The following SAMD4A variants were observed in gnomAD, a reference collection of about 807,000 sequenced individuals.
The protein encoded by SAMD4A is protein Smaug homolog 1.
A neutral mutation model predicts 81.3 loss-of-function variants in SAMD4A; 33 were observed. The observed-to-expected ratio is 0.41, with a 90% CI of 0.31 to 0.54. The LOEUF (loss-of-function observed/expected upper bound fraction) is 0.54. SAMD4A is among the 20% of genes least tolerant of loss of function. The pLI is 0.37. For missense variants in SAMD4A, 854 were observed against 951.1 expected, an observed-to-expected ratio of 0.90 and a Z score of 1.34; for synonymous variants, 389 against 382.1, an observed-to-expected ratio of 1.02 and a Z score of -0.21.
At chr14:54,661,688 T>C (rs913964553) in intron 2 of SAMD4A, among the ~76,000 whole-genome samples, 1 of 152,342 alleles carries the variant, frequency 6.6e-6, no homozygotes, top group Middle Eastern at 3.4e-3. Flanking sequence ...TTCAGCCGAC[T>C]ATTCCCGGAT....
intron 3 of SAMD4A, 88 bp from the exon 4 acceptor site, chr14:54,736,936 C>T (rs1475252641): frequency 1.4e-6 from 2 of 1,442,900 alleles, no homozygotes; most frequent in Non-Finnish European, 1.9e-6. Flanking sequence ...TTAGTGGTAT[C>T]TCTCAGGGTT....
chr14:54,648,905 C>T (rs750112738), intron 2 of SAMD4A, among the ~76,000 whole-genome samples: 3 of 152,054 alleles, frequency 2.0e-5, no homozygotes, highest in African/African-American at 2.4e-5. Flanking sequence ...GTGGGAGAGG[C>T]GGTGGCTCAG....
chr14:54,671,862 C>T (rs1183196189), intron 2 of SAMD4A, among the ~76,000 whole-genome samples: 1 of 151,410 alleles, frequency 6.6e-6, no homozygotes, highest in East Asian at 1.9e-4. Context: ...AGGGCCCTAG[C>T]AGGAAGCTGA....
intron 2 of SAMD4A, among the ~76,000 whole-genome samples, chr14:54,677,631 G>A (rs901509431): frequency 2.0e-5 from 3 of 152,200 alleles, no homozygotes; most frequent in Non-Finnish European, 4.4e-5. Flanking sequence ...AAAAGTCTCC[G>A]AGGATCCTGC....
At chr14:54,570,935 C>G (rs2140107289) in intron 2 of SAMD4A, among the ~76,000 whole-genome samples, 1 of 152,180 alleles carries the variant, frequency 6.6e-6, no homozygotes, top group East Asian at 1.9e-4. Flanking sequence ...TTGTAATCAT[C>G]AATTTAAAAA....
intron 2 of SAMD4A, chr14:54,688,134 A>G (rs2036327152): frequency 6.1e-6 from 6 of 985,492 alleles, no homozygotes; most frequent in Non-Finnish European, 7.2e-6. Flanking sequence ...TCAGCTCCGT[A>G]TAACCTGGAC....
intron 2 of SAMD4A, among the ~76,000 whole-genome samples, chr14:54,697,931 A>G (rs1007290944): frequency 6.6e-6 from 1 of 152,190 alleles, no homozygotes; most frequent in Non-Finnish European, 1.5e-5. Flanking sequence ...GGTTGCTTGC[A>G]TGATGTCACA....
At chr14:54,761,470 A>G (rs1175620312) in intron 7 of SAMD4A, among the ~76,000 whole-genome samples, 4 of 132,110 alleles carry the variant, frequency 3.0e-5, no homozygotes, top group Admixed American at 1.5e-4. Context: ...TACCACCTCC[A>G]TTCTACACTC....
chr14:54,671,478 C>T (rs1457464953), intron 2 of SAMD4A, among the ~76,000 whole-genome samples: 1 of 152,188 alleles, frequency 6.6e-6, no homozygotes, highest in East Asian at 1.9e-4. Flanking sequence ...ATGAGTTTGT[C>T]AAAGGACAGG....
intron 2 of SAMD4A, among the ~76,000 whole-genome samples, chr14:54,593,667 G>A (rs1190763355): frequency 6.6e-6 from 1 of 152,052 alleles, no homozygotes; most frequent in Non-Finnish European, 1.5e-5. Context: ...CCCTCTAAAG[G>A]CTGGAATAGT....
intron 2 of SAMD4A, among the ~76,000 whole-genome samples, chr14:54,600,263 CA>C (rs1191568831): frequency 3.9e-5 from 6 of 152,224 alleles, no homozygotes; most frequent in Non-Finnish European, 5.9e-5. Context: ...TAAACCCAGG[CA>C]GTCTGGTGAG....
At chr14:54,758,846 A>G (rs2038315535) in intron 6 of SAMD4A, among the ~76,000 whole-genome samples, 1 of 152,192 alleles carries the variant, frequency 6.6e-6, no homozygotes, top group African/African-American at 2.4e-5. Context: ...AAAAAAAATT[A>G]AATACTTCAT....
intron 3 of SAMD4A, among the ~76,000 whole-genome samples, chr14:54,724,040 G>GGAAGGAAGGAAGGAAGGAAGGAAGGAA (rs1344485748): frequency 1.1e-4 from 17 of 150,770 alleles, no homozygotes; most frequent in African/African-American, 4.1e-4. Context: ...AAGGAAGGAA[G>GGAAGGAAGGAAGGAAGGAAGGAAGGAA]GAAGGAAGGA....
chr14:54,608,579 C>T (rs2358880), intron 2 of SAMD4A, among the ~76,000 whole-genome samples: 115,646 of 152,164 alleles, frequency 0.76, 44,374 homozygotes, highest in African/African-American at 0.88. Context: ...CCACTTTTGT[C>T]TAATACTGGA....
At chr14:54,704,160 A>G (rs2036793469) in intron 3 of SAMD4A, among the ~76,000 whole-genome samples, 1 of 152,216 alleles carries the variant, frequency 6.6e-6, no homozygotes, top group African/African-American at 2.4e-5. Flanking sequence ...TTAATTTATT[A>G]TATAAGAGGT....
rs560474408 is a variant in SAMD4A at position 54,630,908 on chromosome 14, A to G, written c.196+62796A>G. Among the ~76,000 whole-genome samples, 361 of 144,380 alleles carry G rather than the reference A, an allele frequency of 2.5e-3. 1 individual carries two copies. Among genetic ancestry groups the G allele is most frequent in the African/African-American group, 3.9e-3 (149 of 38,426 alleles). 94.7% of individuals were successfully genotyped at this position (144,380 alleles called of 152,430 possible). On this transcript the variant is annotated intron_variant, in intron 2 of 12. Coordinates refer to ENST00000554335, the MANE Select transcript of SAMD4A (RefSeq NM_015589.6). The stretch of plus-strand genomic sequence containing the variant: ...ACATATAATAAATCTTGTATTTTAT[A>G]TGTGTGTGTGTGTGTGTGTGTGTGT...
intron 2 of SAMD4A, among the ~76,000 whole-genome samples, chr14:54,653,902 G>T (rs983485569): frequency 6.6e-6 from 1 of 152,150 alleles, no homozygotes. Flanking sequence ...GAATCTTACA[G>T]ATGTTGCATC....
chr14:54,596,003 A>T lies in SAMD4A; in HGVS notation c.196+27891A>T, dbSNP rs541352027. The stretch of plus-strand genomic sequence containing the variant: ...GAAAAAATAGAATTGAAGTGGCCTC[A>T]CTAGTGGATCTCTTCCTCTGTGGAA... On this transcript the variant is annotated intron_variant, in intron 2 of 12. Transcript: ENST00000554335. 3.1e-3 allele frequency among the ~76,000 whole-genome samples: 465 copies of T among 152,320 alleles called. 1 individual carries two copies. Among genetic ancestry groups the T allele is most frequent in the Non-Finnish European group, 4.2e-3 (287 of 68,030 alleles).
intron 3 of SAMD4A, among the ~76,000 whole-genome samples, chr14:54,732,933 A>G (rs1390135081): frequency 2.0e-5 from 3 of 152,200 alleles, no homozygotes; most frequent in Non-Finnish European, 4.4e-5. Context: ...ATCGAGATGG[A>G]GTCAAAGTTG....
Sources: gnomAD v4.1 joint callset for allele counts (sites outside exome capture counted in the v4.1 genomes callset) on GRCh38, gnomAD v4.1.1 for gene constraint, MANE v1.5 for transcripts, NCBI Gene and HGNC (gene_info 2026-07-23, HGNC 2026-07-21) for gene names.